The following BTAF1 variants were observed in gnomAD, a reference collection of about 807,000 sequenced individuals.
BTAF1 encodes the protein TATA-binding protein-associated factor 172.
In BTAF1, 38 loss-of-function variants were observed where a neutral mutation model predicts 227.1. The observed-to-expected ratio is 0.17, with a 90% confidence interval of 0.13 to 0.22. The LOEUF (loss-of-function observed/expected upper bound fraction) is 0.22, where lower values mean the gene tolerates loss of function less well. BTAF1 is among the 10% of genes least tolerant of loss of function. The pLI is 1.00. For missense variants in BTAF1, 1,598 were observed against 2,204.0 expected, an observed-to-expected ratio of 0.73 and a Z score of 5.51; for synonymous variants, 742 against 751.9, an observed-to-expected ratio of 0.99 and a Z score of 0.21.
At chr10:91,996,295 G>A in intron 23 of BTAF1, 74 bp from the exon 24 acceptor site, 3 of 1,342,272 alleles carry the variant, frequency 2.2e-6, no homozygotes, top group South Asian at 1.3e-5. Context: ...ACTTTCCTGA[G>A]TATGGGCTAT....
intron 4 of BTAF1, among the ~76,000 whole-genome samples, chr10:91,948,512 G>A (rs1333387971): frequency 2.0e-5 from 3 of 150,116 alleles, no homozygotes; most frequent in Non-Finnish European, 4.4e-5. Context: ...ATCTTGCTAG[G>A]ACCACAGGCA....
intron 1 of BTAF1, among the ~76,000 whole-genome samples, chr10:91,932,288 TCAGAAGGCTGAAGTACTG>T (rs989378648): frequency 6.6e-6 from 1 of 152,222 alleles, no homozygotes; most frequent in Non-Finnish European, 1.5e-5. Flanking sequence ...ACTGCCTCAT[TCAGAAGGCTGAAGTACTG>T]CTGTGCTGAT....
At chr10:91,982,523 C>G in intron 17 of BTAF1, 64 bp from the exon 18 acceptor site, 1 of 1,502,396 alleles carries the variant, frequency 6.7e-7, no homozygotes, top group Non-Finnish European at 8.9e-7. Flanking sequence ...AAAAATTTCC[C>G]GAAGTATGGG....
At chr10:91,947,197 G>A (rs970926198) in intron 4 of BTAF1, among the ~76,000 whole-genome samples, 1 of 152,086 alleles carries the variant, frequency 6.6e-6, no homozygotes, top group African/African-American at 2.4e-5. Flanking sequence ...TTCCTCTGTG[G>A]TAAGAAGCAT....
chr10:92,027,321 G>C (rs773497249), intron 37 of BTAF1, 21 bp downstream of exon 37: 1 of 1,578,192 alleles, frequency 6.3e-7, no homozygotes, highest in African/African-American at 1.4e-5. Context: ...TACACAATTT[G>C]TTGTATCTTT....
intron 19 of BTAF1, 118 bp from the exon 20 acceptor site, chr10:91,989,036 A>G: frequency 1.2e-6 from 1 of 844,286 alleles, no homozygotes. Flanking sequence ...CTAAAACAAT[A>G]TTACATATTG....
chr10:92,019,025 G>A, intron 34 of BTAF1, 90 bp downstream of exon 34: 1 of 1,252,262 alleles, frequency 8.0e-7, no homozygotes, highest in Non-Finnish European at 1.1e-6. Context: ...TTACTACTGT[G>A]TTTACCATTT....
chr10:91,988,302 C>T (rs1848539773), intron 19 of BTAF1, among the ~76,000 whole-genome samples: 1 of 152,108 alleles, frequency 6.6e-6, no homozygotes, highest in Admixed American at 6.5e-5. Flanking sequence ...TTGGGGGTAA[C>T]TGAGGCTTTT....
intron 12 of BTAF1, among the ~76,000 whole-genome samples, chr10:91,963,645 A>G (rs1846682508): frequency 1.3e-5 from 2 of 152,102 alleles, no homozygotes; most frequent in Non-Finnish European, 2.9e-5. Context: ...TCAGAACACA[A>G]AGTTAGAAGT....
intron 14 of BTAF1, among the ~76,000 whole-genome samples, chr10:91,975,795 G>T (rs1164052406): frequency 2.0e-5 from 3 of 152,234 alleles, no homozygotes; most frequent in African/African-American, 4.8e-5. Flanking sequence ...GTACAGACAA[G>T]ATCTTATCCC....
At chr10:92,020,384 A>G (rs1187151898) in intron 34 of BTAF1, among the ~76,000 whole-genome samples, 2 of 152,230 alleles carry the variant, frequency 1.3e-5, no homozygotes, top group Non-Finnish European at 2.9e-5. Flanking sequence ...TTCAAGCACC[A>G]AAATGTTAGC....
At chr10:91,978,631 A>C (rs1847854628) in intron 14 of BTAF1, among the ~76,000 whole-genome samples, 1 of 152,042 alleles carries the variant, frequency 6.6e-6, no homozygotes, top group South Asian at 2.1e-4. Context: ...TTCTCTTAAA[A>C]ACACTGTATT....
At chr10:91,935,634 C>T (rs371191810) in intron 1 of BTAF1, 23 bp from the exon 2 acceptor site, 70 of 1,609,926 alleles carry the variant, frequency 4.3e-5, no homozygotes, top group Non-Finnish European at 5.7e-5. Context: ...TTGAGAATAA[C>T]CATTGTATTT....
At chr10:92,012,746 G>A (rs1457255790) in intron 30 of BTAF1, among the ~76,000 whole-genome samples, 5 of 138,884 alleles carry the variant, frequency 3.6e-5, no homozygotes, top group Non-Finnish European at 7.6e-5. Flanking sequence ...ACTGCAGCCT[G>A]GGTGACAGAG....
chr10:91,931,795 C>G (rs942378986), intron 1 of BTAF1, among the ~76,000 whole-genome samples: 2 of 152,212 alleles, frequency 1.3e-5, no homozygotes, highest in Non-Finnish European at 2.9e-5. Context: ...GTCTGCTCAT[C>G]TCTTTGTTCT....
chr10:91,980,398 T>C, intron 14 of BTAF1, 56 bp from the exon 15 acceptor site: 2 of 1,265,284 alleles, frequency 1.6e-6, no homozygotes, highest in Non-Finnish European at 2.3e-6. Flanking sequence ...ATTCTTCAGG[T>C]AAGCTAACAT....
At chr10:91,993,225 G>A (rs984793008) in intron 21 of BTAF1, among the ~76,000 whole-genome samples, 12 of 151,894 alleles carry the variant, frequency 7.9e-5, no homozygotes, top group Non-Finnish European at 1.5e-4. Context: ...ATATCTTTTT[G>A]GGGGGACAGA....
At chr10:92,005,516 C>T (rs1849819362) in intron 25 of BTAF1, among the ~76,000 whole-genome samples, 1 of 152,078 alleles carries the variant, frequency 6.6e-6, no homozygotes, top group Non-Finnish European at 1.5e-5. Context: ...TGTTCTATAG[C>T]TTTCAGTGTA....
chr10:91,942,304 GTGTGT>G, intron 3 of BTAF1, 113 bp from the exon 4 acceptor site: 1 of 110,460 alleles, frequency 9.1e-6, no homozygotes, highest in Non-Finnish European at 2.0e-5. Flanking sequence ...AAGTTTGTGT[GTGTGT>G]GTGTGTGTGT....
Sources: gnomAD v4.1 joint callset for allele counts (sites outside exome capture counted in the v4.1 genomes callset) on GRCh38, gnomAD v4.1.1 for gene constraint, MANE v1.5 for transcripts, NCBI Gene and HGNC (gene_info 2026-07-23, HGNC 2026-07-21) for gene names.